CDCA7L: variants seen among roughly 807,000 people sequenced by gnomAD.
CDCA7L encodes cell division cycle-associated 7-like protein.
A neutral mutation model predicts 57.4 loss-of-function variants in CDCA7L; 44 were observed. The observed-to-expected ratio is 0.77, with a 90% CI of 0.60 to 0.98. The LOEUF (loss-of-function observed/expected upper bound fraction) is 0.98, where lower values mean the gene tolerates loss of function less well. CDCA7L is among the 50% of genes least tolerant of loss of function. CDCA7L has a pLI of 0.00. For synonymous variants in CDCA7L, 236 were observed against 202.8 expected (o/e 1.16, Z -1.39); for missense variants, 644 against 580.6 (o/e 1.11, Z -1.12).
rs1312398420 is a variant in CDCA7L at position 21,901,299 on chromosome 7, A to AT, written c.*1022dup. 3.2e-6 allele frequency: 5 copies of AT among 1,550,248 alleles called. No homozygotes were observed. The highest frequency in any genetic ancestry group is 3.9e-5 in the Admixed American group (2 of 51,248). On this transcript the variant is annotated 3_prime_UTR_variant, in exon 10 of 10. Coordinates refer to ENST00000406877, the MANE Select transcript of CDCA7L (RefSeq NM_018719.5). ...TAGCCTCTGCTGGAGTGCAGTGAGGATTTTCTAGCATGTTGCTGCACTGTT... is the reference window on the plus strand; with the variant it reads ...TAGCCTCTGCTGGAGTGCAGTGAGGATTTTTCTAGCATGTTGCTGCACTGTT...
Position 21,911,687 on chromosome 7 carries a change from T to G in CDCA7L, c.233A>C (p.Asp78Ala), listed in dbSNP as rs747912377. 1 of 1,613,766 alleles carries G rather than the reference T, an allele frequency of 6.2e-7. No homozygotes were observed. The highest frequency in any genetic ancestry group is 8.5e-7 in the Non-Finnish European group (1 of 1,179,828). The change falls in exon 3 of 10, where the codon GAC (aspartate) becomes GCC (alanine). Residue 78 changes from aspartate to alanine, a missense_variant. Coordinates refer to ENST00000406877, the MANE Select transcript of CDCA7L (RefSeq NM_018719.5). Reference sequence around the variant, plus strand: ...TCCTGCAAAATCCTCAGTCTCTGAGTCAGTGTCCTCTATAAAAATTCTTCT... The same window carrying G: ...TCCTGCAAAATCCTCAGTCTCTGAGGCAGTGTCCTCTATAAAAATTCTTCT... ...ELRRIFIEDT[D>A]SETEDFAGFT...
chr7:21,907,041 T>A (rs1175839354), intron 4 of CDCA7L, among the ~76,000 whole-genome samples: 1 of 152,198 alleles, frequency 6.6e-6, no homozygotes, highest in Non-Finnish European at 1.5e-5. Context: ...TCAACTAGAT[T>A]ATTTCGATGG....
rs1784784153 is a variant in CDCA7L, at chr7:21,900,951, C to CATTATCATTAGT, written c.*1359_*1370dup. On this transcript the variant is annotated 3_prime_UTR_variant, in exon 10 of 10. Transcript: ENST00000406877. Reference sequence around the variant, plus strand: ...TATTGCATCAAACAACTTACTTGATCATTATCATTAGTAGCAAGCTGCCAC... The same window carrying CATTATCATTAGT: ...TATTGCATCAAACAACTTACTTGATCATTATCATTAGTATTATCATTAGTAGCAAGCTGCCAC... The CATTATCATTAGT allele has an allele frequency of 3.3e-6, 5 of 1,503,992 alleles. No individual in the cohort carries two copies. In the South Asian group the frequency reaches 7.2e-5, roughly 22 times the overall value. 93.2% of individuals were successfully genotyped at this position (1,503,992 alleles called of 1,614,324 possible). A position where few individuals can be genotyped will look rare whatever the true frequency, so the allele number is the denominator to read the frequency against.
chr7:21,914,324 A>C (rs1355241622), intron 2 of CDCA7L, among the ~76,000 whole-genome samples: 2 of 152,190 alleles, frequency 1.3e-5, no homozygotes, highest in Non-Finnish European at 2.9e-5. Flanking sequence ...GGAAGCTAGA[A>C]AGCACCATTC....
At chr7:21,921,341 C>T (rs74527143) in intron 1 of CDCA7L, among the ~76,000 whole-genome samples, 2 of 8,080 alleles carry the variant, frequency 2.5e-4, no homozygotes, top group African/African-American at 7.4e-4. Flanking sequence ...TCAAGATTTG[C>T]CAAAAAAAAA....
At chr7:21,918,762 T>G (rs575375776) in intron 1 of CDCA7L, among the ~76,000 whole-genome samples, 44 of 152,334 alleles carry the variant, frequency 2.9e-4, no homozygotes, top group Non-Finnish European at 5.7e-4. Flanking sequence ...TGTCTCTTTT[T>G]TTAGTGATGT....
rs764549352 is a variant in CDCA7L at position 21,906,495 on chromosome 7, T to C, written c.754-39A>G. Reference sequence around the variant, plus strand: ...CACAGACAGAGACAACTGGGGACTCTCTCGAATAAAAGCCGTCTGGTGGCT... The same window carrying C: ...CACAGACAGAGACAACTGGGGACTCCCTCGAATAAAAGCCGTCTGGTGGCT... On this transcript the variant is annotated intron_variant, in intron 5 of 9. Coordinates refer to ENST00000406877, the MANE Select transcript of CDCA7L (RefSeq NM_018719.5). The C allele has an allele frequency of 6.2e-6, 10 of 1,611,448 alleles. No homozygotes were observed. In the Admixed American group the frequency reaches 1.0e-4, roughly 16 times the overall value.
rs1383813023 is a variant in CDCA7L, at chr7:21,902,126, A to G, written c.*196T>C. 2.2e-5 allele frequency: 14 copies of G among 626,370 alleles called. No individual in the cohort carries two copies. The South Asian group carries it at 2.4e-4, about 11-fold the overall frequency. 38.8% of individuals were successfully genotyped at this position (626,370 alleles called of 1,614,324 possible). ...CAGACAGGTCTGTGCATACATCTATATAGATTCCTCTGCTCTGCTGTCTTC... is the reference window on the plus strand; with the variant it reads ...CAGACAGGTCTGTGCATACATCTATGTAGATTCCTCTGCTCTGCTGTCTTC... On this transcript the variant is annotated 3_prime_UTR_variant, in exon 10 of 10. Coordinates refer to ENST00000406877, the MANE Select transcript of CDCA7L (RefSeq NM_018719.5).
At chr7:21,937,795 C>G (rs1271027073) in intron 1 of CDCA7L, among the ~76,000 whole-genome samples, 2 of 152,108 alleles carry the variant, frequency 1.3e-5, no homozygotes, top group African/African-American at 2.4e-5. Context: ...GATACAAACC[C>G]TTGCATATAC....
In CDCA7L at chr7:21,901,718, A is replaced by C. The variant is rs1289552346; in HGVS notation, c.*604T>G. The C allele has an allele frequency of 1.3e-5, 2 of 156,496 alleles. No homozygotes were observed. Among genetic ancestry groups the C allele is most frequent in the Non-Finnish European group, 2.8e-5 (2 of 70,924 alleles). 9.7% of individuals were successfully genotyped at this position (156,496 alleles called of 1,614,324 possible). On this transcript the variant is annotated 3_prime_UTR_variant, in exon 10 of 10. Coordinates refer to ENST00000406877, the MANE Select transcript of CDCA7L (RefSeq NM_018719.5). ...TCAAAATATAAAAGCAGCAGGCCCC[A>C]GGTGAGTCCTGAAGGAAGAGGCTAG...
chr7:21,900,985 A>G lies in CDCA7L; in HGVS notation c.*1337T>C. ...TAGTAGCAAGCTGCCACACAATTGC[A>G]ACCGCTGTGTTTTTGCCATAGGCGC... On this transcript the variant is annotated 3_prime_UTR_variant, in exon 10 of 10. Coordinates refer to ENST00000406877, the MANE Select transcript of CDCA7L (RefSeq NM_018719.5). 3 of 1,554,358 alleles carry G rather than the reference A, an allele frequency of 1.9e-6. No homozygotes were observed. The highest frequency in any genetic ancestry group is 2.5e-5 in the South Asian group (2 of 80,776).
chr7:21,945,255 T>C (rs1222079378), intron 1 of CDCA7L, among the ~76,000 whole-genome samples: 1 of 152,074 alleles, frequency 6.6e-6, no homozygotes, highest in Non-Finnish European at 1.5e-5. Context: ...TTCCCCCAAA[T>C]GGTTACTAAT....
At chr7:21,908,022 G>C in intron 4 of CDCA7L, 108 bp downstream of exon 4, 1 of 1,248,624 alleles carries the variant, frequency 8.0e-7, no homozygotes, top group Non-Finnish European at 1.1e-6. Context: ...TTTCTTGACA[G>C]AAGCCAAAGC....
intron 1 of CDCA7L, among the ~76,000 whole-genome samples, chr7:21,923,215 A>G (rs1054542952): frequency 2.0e-5 from 3 of 152,214 alleles, no homozygotes; most frequent in African/African-American, 4.8e-5. Flanking sequence ...TAAGCCAGGC[A>G]TGGTGGTTCA....
intron 2 of CDCA7L, among the ~76,000 whole-genome samples, chr7:21,913,581 G>A (rs1047086063): frequency 1.3e-5 from 2 of 152,220 alleles, no homozygotes; most frequent in African/African-American, 4.8e-5. Context: ...CTCAGTGCAA[G>A]AAACATCTGG....
At position 21,901,251 on chromosome 7, in the gene CDCA7L, G is replaced by C. The variant is rs147454485; in HGVS notation, c.*1071C>G. The C allele has an allele frequency of 1.9e-6, 3 of 1,601,614 alleles. No homozygotes were observed. Among genetic ancestry groups the C allele is most frequent in the Non-Finnish European group, 2.6e-6 (3 of 1,173,980 alleles). ...CTGGAGTGGCTCTGCTTCTAGAAGCGTAAGGTAACACTGGCATTCCTCTAG... is the reference window on the plus strand; with the variant it reads ...CTGGAGTGGCTCTGCTTCTAGAAGCCTAAGGTAACACTGGCATTCCTCTAG... On this transcript the variant is annotated 3_prime_UTR_variant, in exon 10 of 10. Transcript: ENST00000406877.
chr7:21,920,814 A>C (rs1785626685), intron 1 of CDCA7L, among the ~76,000 whole-genome samples: 1 of 152,252 alleles, frequency 6.6e-6, no homozygotes, highest in African/African-American at 2.4e-5. Flanking sequence ...AACACAGACA[A>C]TACTTATGAA....
At chr7:21,920,464 A>G (rs1785616604) in intron 1 of CDCA7L, among the ~76,000 whole-genome samples, 1 of 152,232 alleles carries the variant, frequency 6.6e-6, no homozygotes, top group African/African-American at 2.4e-5. Context: ...ATAATGGTTC[A>G]ATCAAAGGAA....
At chr7:21,933,508 G>A (rs1478354714) in intron 1 of CDCA7L, among the ~76,000 whole-genome samples, 4 of 152,170 alleles carry the variant, frequency 2.6e-5, no homozygotes, top group Non-Finnish European at 5.9e-5. Context: ...CAGGGACATG[G>A]ATGAAGCAGG....
Sources: gnomAD v4.1 joint callset for allele counts (sites outside exome capture counted in the v4.1 genomes callset) on GRCh38, gnomAD v4.1.1 for gene constraint, MANE v1.5 for transcripts, NCBI Gene and HGNC (gene_info 2026-07-23, HGNC 2026-07-21) for gene names.